Variants in THSD7B observed in about 807,000 individuals in gnomAD.
The protein encoded by THSD7B is thrombospondin type 1 domain containing 7B, also known as thrombospondin type-1 domain-containing protein 7B.
In THSD7B, 138 loss-of-function variants were observed where a neutral mutation model predicts 213.6. That is an observed-to-expected ratio of 0.65 (90% CI 0.56 to 0.74). The LOEUF is 0.74. Among genes scored for constraint, THSD7B ranks in the 30% least tolerant of loss-of-function variants. The pLI is 0.00. For synonymous variants in THSD7B, 742 were observed against 687.0 expected, an observed-to-expected ratio of 1.08 and a Z score of -1.25; for missense variants, 1,931 against 1,991.5, an observed-to-expected ratio of 0.97 and a Z score of 0.58.
intron 2 of THSD7B, among the ~76,000 whole-genome samples, chr2:137,052,229 AC>A (rs929544528): frequency 6.6e-6 from 1 of 152,158 alleles, no homozygotes; most frequent in African/African-American, 2.4e-5. Flanking sequence ...TATTCCTCTC[AC>A]AAAAAGGGTA....
intron 15 of THSD7B, among the ~76,000 whole-genome samples, chr2:137,554,006 C>A (rs968232836): frequency 6.9e-6 from 1 of 144,308 alleles, no homozygotes; most frequent in South Asian, 2.3e-4. Context: ...ACATTTTTCA[C>A]GATTCTTAAA....
chr2:137,237,980 G>A (rs1363014742), intron 9 of THSD7B, among the ~76,000 whole-genome samples: 1 of 152,062 alleles, frequency 6.6e-6, no homozygotes, highest in Non-Finnish European at 1.5e-5. Context: ...CTTGACCTTT[G>A]CCCTTGAGGG....
chr2:136,852,322 A>G (rs1683110683), intron 1 of THSD7B, among the ~76,000 whole-genome samples: 1 of 151,940 alleles, frequency 6.6e-6, no homozygotes, highest in African/African-American at 2.4e-5. Flanking sequence ...ACAAAACAAA[A>G]CAAAACAAAA....
chr2:136,818,111 G>A lies in THSD7B; in HGVS notation c.-36+52424G>A, dbSNP rs1251164851. The stretch of plus-strand genomic sequence containing the variant: ...ACACATGCACACGTATGTTTATTGC[G>A]GCATTATTCACAATAGCAAAGACTT... On this transcript the variant is annotated intron_variant, in intron 1 of 27. Coordinates refer to ENST00000409968, the MANE Select transcript of THSD7B (RefSeq NM_001316349.2). 8.4e-4 allele frequency among the ~76,000 whole-genome samples: 125 copies of A among 149,182 alleles called. 3 individuals carry two copies. In the South Asian group the frequency reaches 0.019, roughly 23 times the overall value.
intron 12 of THSD7B, among the ~76,000 whole-genome samples, chr2:137,286,509 C>T (rs746161622): frequency 1.3e-5 from 2 of 152,082 alleles, no homozygotes; most frequent in African/African-American, 2.4e-5. Flanking sequence ...TTTCATTCTC[C>T]GAATGGAAGA....
rs192995437 is a variant in THSD7B, at chr2:136,836,575, G to T, written c.-35-45569G>T. Among the ~76,000 whole-genome samples, 57 of 152,268 alleles carry T rather than the reference G, an allele frequency of 3.7e-4. 1 individual carries two copies. Among genetic ancestry groups the T allele is most frequent in the Middle Eastern group, 6.8e-3 (2 of 294 alleles). On this transcript the variant is annotated intron_variant, in intron 1 of 27. Transcript: ENST00000409968. ...CTGTCCTTTCTCCATCACCTTTCTA[G>T]ATCCCCATGCTATGTTGACCTTTGA...
chr2:136,890,967 A>G lies in THSD7B; in HGVS notation c.139+8650A>G, dbSNP rs577280552. ...GATCTTCAATTTTTAGATAATTTCC[A>G]TATTTGTGTTTTGTTTGTATATTTA... On this transcript the variant is annotated intron_variant, in intron 2 of 27. Coordinates refer to ENST00000409968, the MANE Select transcript of THSD7B (RefSeq NM_001316349.2). 4.0e-5 allele frequency among the ~76,000 whole-genome samples: 6 copies of G among 151,626 alleles called. No individual in the cohort carries two copies. In the South Asian group the frequency reaches 1.3e-3, roughly 32 times the overall value.
At chr2:137,571,703 C>G (rs1681358561) in intron 16 of THSD7B, among the ~76,000 whole-genome samples, 1 of 152,174 alleles carries the variant, frequency 6.6e-6, no homozygotes, top group Admixed American at 6.5e-5. Context: ...GTGATTATCT[C>G]ATTATTGCCA....
intron 12 of THSD7B, 106 bp downstream of exon 12, chr2:137,276,132 G>A (rs1682865269): frequency 2.5e-6 from 2 of 795,886 alleles, no homozygotes; most frequent in South Asian, 4.0e-5. Flanking sequence ...GATATTATTG[G>A]CTTGAATTAT....
At chr2:137,247,354 T>C (rs933843754) in intron 10 of THSD7B, among the ~76,000 whole-genome samples, 5 of 152,202 alleles carry the variant, frequency 3.3e-5, no homozygotes, top group African/African-American at 1.2e-4. Context: ...AAAGCAATTA[T>C]CACCTCATGG....
In THSD7B at chr2:137,405,786, A is replaced by T. The variant is rs1369914790; in HGVS notation, c.2674A>T (p.Ser892Cys). 3 of 1,612,540 alleles carry T rather than the reference A, an allele frequency of 1.9e-6. No individual in the cohort carries two copies. Among genetic ancestry groups the T allele is most frequent in the Non-Finnish European group, 8.5e-7 (1 of 1,179,304 alleles). The change falls in exon 13 of 28, where the codon AGT (serine) becomes TGT (cysteine). Residue 892 changes from serine (S) to cysteine (C), a missense_variant. By Grantham distance (112) the Ser-to-Cys change is moderately radical. Transcript: ENST00000409968. ...PCSTNCEATK[S>C]RRRQLTGKSR... ...CTCCACGAACTGTGAAGCCACAAAA[A>T]GTAGGCGGCGACAGCTCACAGGTAT...
At chr2:137,213,126 C>T (rs910865759) in intron 7 of THSD7B, among the ~76,000 whole-genome samples, 4 of 149,920 alleles carry the variant, frequency 2.7e-5, no homozygotes, top group Admixed American at 1.3e-4. Flanking sequence ...ATTTGAAATA[C>T]ACTAAAGAAT....
intron 4 of THSD7B, among the ~76,000 whole-genome samples, chr2:137,099,499 G>T (rs977821065): frequency 6.6e-6 from 1 of 152,150 alleles, no homozygotes; most frequent in African/African-American, 2.4e-5. Context: ...GATCTCTTGC[G>T]CTTTAATAGA....
At chr2:137,505,203 C>A (rs1679806935) in intron 15 of THSD7B, among the ~76,000 whole-genome samples, 1 of 152,186 alleles carries the variant, frequency 6.6e-6, no homozygotes, top group African/African-American at 2.4e-5. Flanking sequence ...CTGGGAGCAA[C>A]CCACAAGAAG....
intron 1 of THSD7B, among the ~76,000 whole-genome samples, chr2:136,772,224 G>T (rs1227421872): frequency 2.0e-5 from 3 of 152,080 alleles, no homozygotes; most frequent in Non-Finnish European, 2.9e-5. Flanking sequence ...CTTTACCGCT[G>T]CTGGAATTTA....
At chr2:137,000,647 G>T (rs904189851) in intron 2 of THSD7B, among the ~76,000 whole-genome samples, 5 of 151,930 alleles carry the variant, frequency 3.3e-5, no homozygotes, top group African/African-American at 9.7e-5. Flanking sequence ...TGTTTATATT[G>T]TTCTTTTGGG....
chr2:137,505,758 G>GAGGGGCACTCCATGTAGTGGGGCCCAC (rs1393533189), intron 15 of THSD7B, among the ~76,000 whole-genome samples: 6 of 152,344 alleles, frequency 3.9e-5, no homozygotes, highest in African/African-American at 1.2e-4. Context: ...TTCCCAAGAG[G>GAGGGGCACTCCATGTAGTGGGGCCCAC]AGGGGCACTC....
chr2:137,412,737 A>C (rs2105014693), intron 14 of THSD7B, among the ~76,000 whole-genome samples: 1 of 152,022 alleles, frequency 6.6e-6, no homozygotes, highest in Non-Finnish European at 1.5e-5. Flanking sequence ...CTGGGAAAAT[A>C]CTGTTTTTGA....
At chr2:137,280,774 G>A (rs534235614) in intron 12 of THSD7B, among the ~76,000 whole-genome samples, 8 of 152,002 alleles carry the variant, frequency 5.3e-5, no homozygotes, top group South Asian at 2.1e-4. Context: ...ATAATAATAC[G>A]CTTTCTAGAA....
Sources: gnomAD v4.1 joint callset for allele counts (sites outside exome capture counted in the v4.1 genomes callset) on GRCh38, gnomAD v4.1.1 for gene constraint, MANE v1.5 for transcripts, NCBI Gene and HGNC (gene_info 2026-07-23, HGNC 2026-07-21) for gene names.